KIF1A: variants seen among roughly 807,000 people sequenced by gnomAD.
The protein encoded by KIF1A is kinesin-like protein KIF1A.
A neutral mutation model predicts 227.3 loss-of-function variants in KIF1A; 46 were observed. The ratio of observed to expected loss-of-function variants is 0.20; its 90% CI spans 0.16 to 0.26. The LOEUF (loss-of-function observed/expected upper bound fraction) is 0.26, where lower values mean the gene tolerates loss of function less well. Ranked by LOEUF, KIF1A falls within the 10% of genes least tolerant of loss-of-function variation. The pLI, the probability that KIF1A is intolerant of heterozygous loss-of-function variation, is 1.00. For missense variants in KIF1A, 1,683 were observed against 2,485.9 expected, an observed-to-expected ratio of 0.68 and a Z score of 6.87; for synonymous variants, 1,022 against 1,012.8, an observed-to-expected ratio of 1.01 and a Z score of -0.17.
At position 240,774,229 on chromosome 2, in the gene KIF1A, A is replaced by T; in HGVS notation, c.991T>A (p.Leu331Met). The T allele has an allele frequency of 1.2e-6, 2 of 1,611,046 alleles. No individual in the cohort carries two copies. The highest frequency in any genetic ancestry group is 1.7e-6 in the Non-Finnish European group (2 of 1,177,958). Residue 331 changes from leucine to methionine, a missense_variant, in exon 12 of 49, where the codon TTG becomes ATG. By Grantham distance (15) the Leu-to-Met change is conservative. This residue lies in a region of KIF1A where 15 missense variants were observed against 78.3 expected (regional missense o/e 0.19). Coordinates refer to ENST00000498729, the MANE Select transcript of KIF1A (RefSeq NM_001244008.2). ...TCGTAGTTGATGTCTGCAGGACTCA[A>T]GGCTGCCACCATAGCTGTCCTTGAG... The part of the protein sequence containing the change: ...GNSRTAMVAA[L>M]SPADINYDET...
At chr2:240,747,394 G>T in intron 28 of KIF1A, 73 bp from the exon 29 acceptor site, 1 of 1,210,418 alleles carries the variant, frequency 8.3e-7, no homozygotes, top group Non-Finnish European at 1.2e-6. Context: ...AGCCAGGCTG[G>T]GCCACCCCGC....
At chr2:240,732,489 G>C (rs1410257382) in intron 38 of KIF1A, among the ~76,000 whole-genome samples, 2 of 141,546 alleles carry the variant, frequency 1.4e-5, no homozygotes, top group Admixed American at 1.4e-4. Flanking sequence ...GGGGAGGAAA[G>C]GGTGAGAGGA....
Position 240,790,488 on chromosome 2 carries a change from C to T in KIF1A, c.107-1176G>A, listed in dbSNP as rs542786891. The stretch of plus-strand genomic sequence containing the variant: ...TGCCCGCACCCTCCGTGCCAGCATG[C>T]ACCCTGGGGACCTGCCACCAGGACC... On this transcript the variant is annotated intron_variant, in intron 2 of 48. Transcript: ENST00000498729. The surrounding 1 kb of genome is among the most constrained non-coding windows in gnomAD (Gnocchi z 5.0). Among the ~76,000 whole-genome samples, 37 of 152,254 alleles carry T rather than the reference C, an allele frequency of 2.4e-4. 1 individual carries two copies. The South Asian group carries it at 7.7e-3, about 32-fold the overall frequency.
At position 240,717,326 on chromosome 2, in the gene KIF1A, T is replaced by A. The variant is rs772148613; in HGVS notation, c.*38A>T. The A allele has an allele frequency of 6.3e-7, 1 of 1,591,434 alleles. No individual in the cohort carries two copies. The highest frequency in any genetic ancestry group is 2.2e-5 in the East Asian group (1 of 44,712). On this transcript the variant is annotated 3_prime_UTR_variant, in exon 49 of 49. Coordinates refer to ENST00000498729, the MANE Select transcript of KIF1A (RefSeq NM_001244008.2). The stretch of plus-strand genomic sequence containing the variant: ...GGACAGACGAGGATGAGGGAGGGGA[T>A]GGGCTGGGCCTGCCGGCTGTCACGG...
At chr2:240,803,528 T>C (rs11897436) in intron 1 of KIF1A, among the ~76,000 whole-genome samples, 10,584 of 152,320 alleles carry the variant, frequency 0.069, 480 homozygotes, top group East Asian at 0.14. Context: ...TGGGAGCGTT[T>C]AGGTCTTTTT....
At chr2:240,767,125 C>T (rs1244047656) in intron 18 of KIF1A, 104 bp from the exon 19 acceptor site, 9 of 1,145,962 alleles carry the variant, frequency 7.9e-6, no homozygotes, top group African/African-American at 7.6e-5. Context: ...TTGGGAAACA[C>T]CCAGCGCAGA....
At position 240,745,436 on chromosome 2, in the gene KIF1A, G is replaced by T; in HGVS notation, c.3456C>A (p.His1152Gln). The change falls in exon 32 of 49, where the codon CAC (histidine) becomes CAA (glutamine). Residue 1152 changes from histidine (H) to glutamine (Q), a missense_variant. By Grantham distance (24) the His-to-Gln change is conservative. Around this residue, in one of 12 missense-constraint regions of KIF1A, gnomAD observed 759 missense variants for 1,020.2 expected, o/e 0.74. Transcript: ENST00000498729. Reference sequence around the variant, plus strand: ...GTGCCCAGGAACGTACGTTCTGGACGTGGTAGAAGCCAAGTGGGGGGCCTC... The same window carrying T: ...GTGCCCAGGAACGTACGTTCTGGACTTGGTAGAAGCCAAGTGGGGGGCCTC... ...TGRGPPLGFY[H>Q]VQNIAVEVTK... The T allele has an allele frequency of 6.2e-7, 1 of 1,612,708 alleles. No homozygotes were observed. Among genetic ancestry groups the T allele is most frequent in the Non-Finnish European group, 8.5e-7 (1 of 1,178,844 alleles).
intron 42 of KIF1A, among the ~76,000 whole-genome samples, chr2:240,723,082 G>A (rs1261458544): frequency 1.3e-5 from 2 of 152,222 alleles, no homozygotes; most frequent in African/African-American, 4.8e-5. Context: ...GCTGCATGTT[G>A]GTTTCCCTGA....
chr2:240,753,732 C>T (rs2049493030), intron 27 of KIF1A, among the ~76,000 whole-genome samples: 1 of 152,188 alleles, frequency 6.6e-6, no homozygotes, highest in South Asian at 2.1e-4. Flanking sequence ...CCAGCTGCAC[C>T]CTTCTTTCTT....
rs749470460 is a variant in KIF1A, at chr2:240,760,648, C to A, written c.2444+17G>T. The A allele has an allele frequency of 6.9e-7, 1 of 1,447,786 alleles. No individual in the cohort carries two copies. Among genetic ancestry groups the A allele is most frequent in the South Asian group, 1.6e-5 (1 of 63,758 alleles). 89.7% of individuals were successfully genotyped at this position (1,447,786 alleles called of 1,614,324 possible). The stretch of plus-strand genomic sequence containing the variant: ...GAGGACCCTCCCACCATCCACCCAG[C>A]GGCCCTCCAGCCCCACCTGAGCTTC... On this transcript the variant is annotated intron_variant, in intron 25 of 48. Transcript: ENST00000498729.
intron 38 of KIF1A, among the ~76,000 whole-genome samples, chr2:240,730,791 C>T (rs1330179200): frequency 1.3e-5 from 2 of 152,200 alleles, no homozygotes; most frequent in Non-Finnish European, 2.9e-5. Flanking sequence ...AAGAATGGAG[C>T]AGAGAACACA....
intron 1 of KIF1A, among the ~76,000 whole-genome samples, chr2:240,813,042 T>TCACCTCAGGGATCAGCCTTCACCTCGA (rs1553642834): frequency 1.3e-4 from 19 of 149,884 alleles, no homozygotes; most frequent in South Asian, 4.2e-4. Context: ...AGGATCCACT[T>TCACCTCAGGGATCAGCCTTCACCTCGA]GCTCCCAGTT....
At chr2:240,721,969 T>TC in intron 43 of KIF1A, 85 bp from the exon 44 acceptor site, 1 of 1,136,356 alleles carries the variant, frequency 8.8e-7, no homozygotes, top group Non-Finnish European at 1.3e-6. Context: ...TACCCACCCC[T>TC]CCCCAGACAC....
chr2:240,747,846 C>A (rs1331519558), intron 28 of KIF1A, among the ~76,000 whole-genome samples: 1 of 152,260 alleles, frequency 6.6e-6, no homozygotes, highest in African/African-American at 2.4e-5. Context: ...TCTCAGTGGA[C>A]CTGCTGCCTA....
At chr2:240,794,805 C>T (rs1321449324) in intron 2 of KIF1A, among the ~76,000 whole-genome samples, 1 of 152,204 alleles carries the variant, frequency 6.6e-6, no homozygotes, top group Non-Finnish European at 1.5e-5. Flanking sequence ...CTGCCTTTTG[C>T]TTGCCGGCAA....
At chr2:240,816,046 C>A (rs2058292163) in intron 1 of KIF1A, among the ~76,000 whole-genome samples, 1 of 152,116 alleles carries the variant, frequency 6.6e-6, no homozygotes, top group African/African-American at 2.4e-5. Flanking sequence ...GGCATCATGG[C>A]AGAGGCAGCA....
intron 1 of KIF1A, among the ~76,000 whole-genome samples, chr2:240,810,910 G>A (rs553379284): frequency 1.4e-4 from 22 of 152,320 alleles, no homozygotes; most frequent in Admixed American, 8.5e-4. Flanking sequence ...TGGGTCGGCC[G>A]AGATGCCGGG....
rs755380517 is a variant in KIF1A at position 240,721,856 on chromosome 2, T to C, written c.4694A>G (p.Asn1565Ser). The C allele has an allele frequency of 1.7e-5, 27 of 1,607,504 alleles. No homozygotes were observed. Among genetic ancestry groups the C allele is most frequent in the Non-Finnish European group, 2.2e-5 (26 of 1,179,414 alleles). ...GACGTGGCTGTGTGTGTACTCTCTG[T>C]TGAATGTGTGCGTGAGCAGGCGCAA... Reference protein sequence around the residue: ...KCLRLLTHTFNREYTHSHVCV... With the variant: ...KCLRLLTHTFSREYTHSHVCV... The change falls in exon 44 of 49, where the codon AAC (asparagine) becomes AGC (serine). Residue 1565 changes from asparagine (N) to serine (S), a missense_variant. Coordinates refer to ENST00000498729, the MANE Select transcript of KIF1A (RefSeq NM_001244008.2).
chr2:240,818,246 G>A lies in KIF1A; in HGVS notation c.-61+1876C>T, dbSNP rs144494866. On this transcript the variant is annotated intron_variant, in intron 1 of 48. Coordinates refer to ENST00000498729, the MANE Select transcript of KIF1A (RefSeq NM_001244008.2). ...AGGGCCTCAGATCCATCTGCAGCCG[G>A]AGTGAAGCTGTTCATCCGGGCCCTG... 3.4e-3 allele frequency among the ~76,000 whole-genome samples: 516 copies of A among 152,218 alleles called. 2 individuals carry two copies. Among genetic ancestry groups the A allele is most frequent in the African/African-American group, 0.012 (485 of 41,540 alleles).
Sources: gnomAD v4.1 joint callset for allele counts (sites outside exome capture counted in the v4.1 genomes callset) on GRCh38, gnomAD v4.1.1 for gene constraint, gnomAD v4.1.1 regional missense constraint, Gnocchi (gnomAD v3.1) non-coding constraint, MANE v1.5 for transcripts, NCBI Gene and HGNC (gene_info 2026-07-23, HGNC 2026-07-21) for gene names.